The following AHCYL2 variants were observed in gnomAD, a reference collection of about 807,000 sequenced individuals.
AHCYL2 encodes the protein adenosylhomocysteinase like 2, also known as S-adenosylhomocysteine hydrolase-like protein 2.
AHCYL2 carries 28 observed loss-of-function variants against 81.4 expected under a neutral mutation model. The ratio of observed to expected loss-of-function variants is 0.34; its 90% CI spans 0.25 to 0.47. The LOEUF is 0.47. AHCYL2 is among the 20% of genes least tolerant of loss of function. The pLI, the probability that AHCYL2 is intolerant of heterozygous loss-of-function variation, is 1.00. For synonymous variants in AHCYL2, 272 were observed against 290.2 expected (o/e 0.94, Z 0.64); for missense variants, 551 against 785.1 (o/e 0.70, Z 3.56).
chr7:129,275,074 A>G (rs1796153817), intron 1 of AHCYL2, among the ~76,000 whole-genome samples: 1 of 152,152 alleles, frequency 6.6e-6, no homozygotes, highest in Non-Finnish European at 1.5e-5. Context: ...AATAGTTTTT[A>G]AATTTAGCCG....
At chr7:129,393,179 C>G (rs9641851) in intron 4 of AHCYL2, among the ~76,000 whole-genome samples, 51,243 of 152,064 alleles carry the variant, frequency 0.34, 9,550 homozygotes, top group East Asian at 0.6. Context: ...CACTTTGGGA[C>G]GTCAAGGTTG....
intron 1 of AHCYL2, among the ~76,000 whole-genome samples, chr7:129,364,510 C>A (rs1295508173): frequency 6.6e-6 from 1 of 152,152 alleles, no homozygotes; most frequent in Non-Finnish European, 1.5e-5. Flanking sequence ...AGGCTGGTCT[C>A]GATCTCCTGA....
At chr7:129,298,342 C>T (rs145804095) in intron 1 of AHCYL2, among the ~76,000 whole-genome samples, 48 of 152,228 alleles carry the variant, frequency 3.2e-4, no homozygotes, top group South Asian at 1.5e-3. Flanking sequence ...ATCACTTTGT[C>T]TTATCTAGTT....
chr7:129,304,187 G>T (rs916535458), intron 1 of AHCYL2, among the ~76,000 whole-genome samples: 1 of 152,146 alleles, frequency 6.6e-6, no homozygotes, highest in Non-Finnish European at 1.5e-5. Context: ...CTTCATGTTT[G>T]TACCATTTCC....
chr7:129,299,280 C>CAA (rs34402215), intron 1 of AHCYL2, among the ~76,000 whole-genome samples: 7,266 of 119,068 alleles, frequency 0.061, 318 homozygotes, highest in Non-Finnish European at 0.083. Flanking sequence ...CCTCCTCTAC[C>CAA]AAAAAAAAAA....
At chr7:129,281,158 C>T (rs913937182) in intron 1 of AHCYL2, among the ~76,000 whole-genome samples, 8 of 152,046 alleles carry the variant, frequency 5.3e-5, no homozygotes, top group Non-Finnish European at 8.8e-5. Flanking sequence ...CCACCACACC[C>T]GGCCCATTGA....
chr7:129,421,592 T>C (rs1344464987), intron 12 of AHCYL2, among the ~76,000 whole-genome samples: 1 of 152,222 alleles, frequency 6.6e-6, no homozygotes, highest in Non-Finnish European at 1.5e-5. Context: ...GTTGAACCAA[T>C]TTATGAAACT....
chr7:129,321,453 T>C (rs1302751086), intron 1 of AHCYL2, among the ~76,000 whole-genome samples: 7 of 152,198 alleles, frequency 4.6e-5, no homozygotes, highest in Admixed American at 2.6e-4. Context: ...GTTGATATAG[T>C]AAGTTATATT....
chr7:129,231,095 G>A (rs1794419816), intron 1 of AHCYL2, among the ~76,000 whole-genome samples: 2 of 152,080 alleles, frequency 1.3e-5, no homozygotes, highest in Non-Finnish European at 2.9e-5. Flanking sequence ...AGCTGGGCAT[G>A]GTGGTGCACT....
At chr7:129,329,132 A>G (rs1179342160) in intron 1 of AHCYL2, among the ~76,000 whole-genome samples, 2 of 152,228 alleles carry the variant, frequency 1.3e-5, no homozygotes, top group African/African-American at 2.4e-5. Flanking sequence ...AACCAAAGCA[A>G]TGAGAGAATA....
intron 12 of AHCYL2, among the ~76,000 whole-genome samples, chr7:129,417,750 C>T (rs910887786): frequency 2.6e-5 from 4 of 152,210 alleles, no homozygotes; most frequent in South Asian, 2.1e-4. Context: ...TAATTGAAAC[C>T]GAATTTTTAT....
At chr7:129,273,321 C>CTTTTTTTTTTTTTTTTT (rs35236990) in intron 1 of AHCYL2, among the ~76,000 whole-genome samples, 1 of 75,888 alleles carries the variant, frequency 1.3e-5, no homozygotes, top group East Asian at 4.8e-4. Context: ...TTTGCTAAGA[C>CTTTTTTTTTTTTTTTTT]TTTTTTTTTT....
intron 1 of AHCYL2, among the ~76,000 whole-genome samples, chr7:129,291,689 A>G (rs920161534): frequency 1.6e-4 from 14 of 87,704 alleles, no homozygotes; most frequent in East Asian, 3.6e-4. Context: ...TGGAAGCCCC[A>G]CCTCCCAGGT....
At chr7:129,264,839 C>T (rs1210063936) in intron 1 of AHCYL2, among the ~76,000 whole-genome samples, 1 of 152,148 alleles carries the variant, frequency 6.6e-6, no homozygotes, top group African/African-American at 2.4e-5. Flanking sequence ...ACTAGCAGAA[C>T]GCTAGGCAAT....
chr7:129,293,601 T>G (rs983367352), intron 1 of AHCYL2, among the ~76,000 whole-genome samples: 5 of 151,752 alleles, frequency 3.3e-5, no homozygotes, highest in Non-Finnish European at 5.9e-5. Flanking sequence ...GAATCCAGCC[T>G]GAGCAACAGA....
chr7:129,411,896 T>G (rs987536997), intron 11 of AHCYL2, among the ~76,000 whole-genome samples: 1 of 152,238 alleles, frequency 6.6e-6, no homozygotes, highest in Non-Finnish European at 1.5e-5. Context: ...TATTTACCCA[T>G]TCATTAACTG....
At chr7:129,411,759 CAAA>C (rs34771912) in intron 11 of AHCYL2, among the ~76,000 whole-genome samples, 2 of 107,368 alleles carry the variant, frequency 1.9e-5, no homozygotes, top group African/African-American at 4.1e-5. Flanking sequence ...AACTCCTTCT[CAAA>C]AAAAAAAAAA....
At chr7:129,391,079 A>T (rs1360063655) in intron 4 of AHCYL2, among the ~76,000 whole-genome samples, 1 of 152,194 alleles carries the variant, frequency 6.6e-6, no homozygotes, top group East Asian at 1.9e-4. Context: ...CTTGAGGACA[A>T]CTATAGTAGA....
At chr7:129,248,055 T>C (rs1256382397) in intron 1 of AHCYL2, among the ~76,000 whole-genome samples, 2 of 152,248 alleles carry the variant, frequency 1.3e-5, no homozygotes, top group African/African-American at 4.8e-5. Flanking sequence ...TTTTTTCCCT[T>C]CATATGGATA....
Sources: gnomAD v4.1 joint callset for allele counts (sites outside exome capture counted in the v4.1 genomes callset) on GRCh38, gnomAD v4.1.1 for gene constraint, MANE v1.5 for transcripts, NCBI Gene and HGNC (gene_info 2026-07-23, HGNC 2026-07-21) for gene names.